The following SLC36A3 variants were observed in gnomAD, a reference collection of about 807,000 sequenced individuals.
SLC36A3 encodes the protein solute carrier family 36 member 3, also known as proton-coupled amino acid transporter 3.
Under a neutral mutation model 44.3 loss-of-function variants are expected in SLC36A3, and 35 were observed. The observed-to-expected ratio is 0.79, with a 90% CI of 0.60 to 1.05. The LOEUF (loss-of-function observed/expected upper bound fraction) is 1.05, where lower values mean the gene tolerates loss of function less well. Among genes scored for constraint, SLC36A3 ranks in the 50% least tolerant of loss-of-function variants. SLC36A3 has a pLI of 0.00. For missense variants in SLC36A3, 540 were observed against 578.7 expected (o/e 0.93, Z 0.69); for synonymous variants, 211 against 227.6 (o/e 0.93, Z 0.66).
chr5:151,279,539 G>T (rs956029069), intron 9 of SLC36A3, among the ~76,000 whole-genome samples: 3 of 152,154 alleles, frequency 2.0e-5, no homozygotes, highest in Non-Finnish European at 2.9e-5. Flanking sequence ...TCAAAAGCAG[G>T]ACATGTCATT....
intron 6 of SLC36A3, among the ~76,000 whole-genome samples, chr5:151,286,275 G>A (rs908178116): frequency 3.3e-5 from 5 of 152,132 alleles, no homozygotes; most frequent in African/African-American, 4.8e-5. Flanking sequence ...ATATAAAATG[G>A]TATAGTATTT....
At position 151,293,457 on chromosome 5, in the gene SLC36A3, A is replaced by G. The variant is rs767940578; in HGVS notation, c.311T>C (p.Leu104Pro). 3 of 1,611,400 alleles carry G rather than the reference A, an allele frequency of 1.9e-6. No homozygotes were observed. Among genetic ancestry groups the G allele is most frequent in the South Asian group, 2.2e-5 (2 of 90,508 alleles). Residue 104 changes from leucine to proline, a missense_variant and splice_region_variant, in exon 4 of 10, where the codon CTG (leucine) becomes CCG (proline). Coordinates refer to ENST00000335230, the MANE Select transcript of SLC36A3 (RefSeq NM_181774.4). ...TCCATAGTTCACAAAAGTCTTCTGCAGTCTAGGGGGAAAGAACAAACAATG... is the reference window on the plus strand; with the variant it reads ...TCCATAGTTCACAAAAGTCTTCTGCGGTCTAGGGGGAAAGAACAAACAATG... ...LNCAQHLSQR[L>P]QKTFVNYGEA...
chr5:151,303,494 G>A lies in SLC36A3; in HGVS notation c.-140C>T, dbSNP rs6866481. ...CCAAGGATGCGTGCTGCTGGCTGAA[G>A]CCTGAAGTGCATGAATCAGGGAAGC... On this transcript the variant is annotated 5_prime_UTR_variant, in exon 1 of 10. Transcript: ENST00000335230. The A allele has an allele frequency of 0.36, 315,629 of 883,570 alleles. 57,791 individuals carry two copies. The highest frequency in any genetic ancestry group is 0.53 in the Admixed American group (19,122 of 36,310). 54.7% of individuals were successfully genotyped at this position (883,570 alleles called of 1,614,324 possible). A position where few individuals can be genotyped will look rare whatever the true frequency, so the allele number is the denominator to read the frequency against.
chr5:151,285,921 C>A (rs962645697), intron 6 of SLC36A3, among the ~76,000 whole-genome samples: 3 of 152,032 alleles, frequency 2.0e-5, no homozygotes, highest in Admixed American at 6.6e-5. Flanking sequence ...GCTGCTCTGC[C>A]GCACATTAAG....
intron 1 of SLC36A3, among the ~76,000 whole-genome samples, chr5:151,301,372 A>G (rs1755160193): frequency 6.6e-6 from 1 of 152,160 alleles, no homozygotes; most frequent in Non-Finnish European, 1.5e-5. Context: ...CCTGGGGATA[A>G]CATCACATTG....
At chr5:151,299,941 T>G (rs1271261267) in intron 1 of SLC36A3, among the ~76,000 whole-genome samples, 1 of 152,214 alleles carries the variant, frequency 6.6e-6, no homozygotes, top group Non-Finnish European at 1.5e-5. Flanking sequence ...CACCTTTGGT[T>G]TGGCCTTCAT....
chr5:151,280,434 A>G (rs1409853952), intron 9 of SLC36A3, among the ~76,000 whole-genome samples: 1 of 152,246 alleles, frequency 6.6e-6, no homozygotes, highest in Non-Finnish European at 1.5e-5. Context: ...AGTCTGGGCA[A>G]CAGAGCGAGA....
intron 8 of SLC36A3, among the ~76,000 whole-genome samples, chr5:151,282,107 C>CTTTTT (rs1221489311): frequency 2.6e-5 from 2 of 75,604 alleles, no homozygotes; most frequent in African/African-American, 5.8e-5. Context: ...TTTTCTTTTT[C>CTTTTT]TTTGTTTTTT....
At chr5:151,284,754 C>A in intron 6 of SLC36A3, 43 bp from the exon 7 acceptor site, 1 of 1,491,562 alleles carries the variant, frequency 6.7e-7, no homozygotes, top group South Asian at 1.2e-5. Flanking sequence ...GTTATGGTGT[C>A]GAAGTCATCC....
intron 4 of SLC36A3, among the ~76,000 whole-genome samples, chr5:151,289,553 T>C (rs1298547778): frequency 6.6e-6 from 1 of 152,206 alleles, no homozygotes; most frequent in East Asian, 1.9e-4. Context: ...ATGATGATTA[T>C]ACTTTTTAAA....
chr5:151,286,280 G>C (rs1754532753), intron 6 of SLC36A3, among the ~76,000 whole-genome samples: 1 of 152,172 alleles, frequency 6.6e-6, no homozygotes, highest in Non-Finnish European at 1.5e-5. Context: ...AAATGGTATA[G>C]TATTTGCATA....
chr5:151,286,658 T>G (rs994484780), intron 6 of SLC36A3, among the ~76,000 whole-genome samples: 1 of 152,172 alleles, frequency 6.6e-6, no homozygotes, highest in African/African-American at 2.4e-5. Context: ...TTTTAGTGTT[T>G]TTTTCTCCCA....
At position 151,294,848 on chromosome 5, in the gene SLC36A3, C is replaced by T. The variant is rs551936614; in HGVS notation, c.308+1332G>A. Among the ~76,000 whole-genome samples, 22 of 152,086 alleles carry T rather than the reference C, an allele frequency of 1.4e-4. No individual in the cohort carries two copies. The East Asian group carries it at 3.7e-3, about 25-fold the overall frequency. ...TTCTGTATGTTGGTCAGGCTGGTCT[C>T]GAACTCCTGACCTCAGGTGGTCTGC... On this transcript the variant is annotated intron_variant, in intron 3 of 9. Coordinates refer to ENST00000335230, the MANE Select transcript of SLC36A3 (RefSeq NM_181774.4).
At chr5:151,281,553 C>A (rs1754314703) in intron 8 of SLC36A3, among the ~76,000 whole-genome samples, 1 of 152,042 alleles carries the variant, frequency 6.6e-6, no homozygotes, top group Non-Finnish European at 1.5e-5. Context: ...CGTGGTGGCT[C>A]ACGCTTGTAA....
chr5:151,299,244 CTCTCTCTCTCTCTCTCTCTCTATA>C (rs1179805988), intron 1 of SLC36A3, among the ~76,000 whole-genome samples: 2 of 91,548 alleles, frequency 2.2e-5, no homozygotes, highest in East Asian at 6.6e-4. Context: ...CTCTCTCTCT[CTCTCTCTCTCTCTCTCTCTCTATA>C]TATATATATA....
At chr5:151,288,148 T>G (rs1754614353) in intron 5 of SLC36A3, among the ~76,000 whole-genome samples, 1 of 152,232 alleles carries the variant, frequency 6.6e-6, no homozygotes, top group Non-Finnish European at 1.5e-5. Flanking sequence ...GATTTCTGAC[T>G]GGACATGATT....
intron 9 of SLC36A3, among the ~76,000 whole-genome samples, chr5:151,278,053 C>T (rs1398061338): frequency 6.6e-6 from 1 of 152,122 alleles, no homozygotes; most frequent in Non-Finnish European, 1.5e-5. Context: ...ACTATGCTGC[C>T]TCTCATGTGT....
At chr5:151,298,459 T>C in intron 2 of SLC36A3, 134 bp downstream of exon 2, 1 of 818,414 alleles carries the variant, frequency 1.2e-6, no homozygotes, top group Non-Finnish European at 2.0e-6. Flanking sequence ...AGGGGATTGA[T>C]GCCAACAGGC....
chr5:151,303,515 G>T lies in SLC36A3; in HGVS notation c.-161C>A. On this transcript the variant is annotated 5_prime_UTR_variant, in exon 1 of 10. Transcript: ENST00000335230. ...TGAAGCCTGAAGTGCATGAATCAGG[G>T]AAGCGGTGGTGGCAGGAGAGGCTGA... is the stretch of plus-strand genomic sequence containing the variant. 2 of 686,912 alleles carry T rather than the reference G, an allele frequency of 2.9e-6. No homozygotes were observed. Among genetic ancestry groups the T allele is most frequent in the Non-Finnish European group, 2.3e-6 (1 of 429,244 alleles). The allele number at this position is 686,912 out of a possible 1,614,324, so 42.6% of individuals were successfully genotyped here.
Sources: gnomAD v4.1 joint callset for allele counts (sites outside exome capture counted in the v4.1 genomes callset) on GRCh38, gnomAD v4.1.1 for gene constraint, MANE v1.5 for transcripts, NCBI Gene and HGNC (gene_info 2026-07-23, HGNC 2026-07-21) for gene names.